The following CCNJL variants were observed in gnomAD, a reference collection of about 807,000 sequenced individuals.
CCNJL encodes the protein cyclin J like, also known as cyclin-J-like protein.
In CCNJL, 33 loss-of-function variants were observed where a neutral mutation model predicts 33.4. The ratio of observed to expected loss-of-function variants is 0.99; its 90% confidence interval spans 0.75 to 1.32. The LOEUF (loss-of-function observed/expected upper bound fraction) is 1.32. CCNJL is among the 40% of genes most tolerant of loss of function. The probability of loss-of-function intolerance (pLI) is 0.00; values close to 1 mark genes in which losing one functional copy is unlikely to be tolerated. For missense variants in CCNJL, 512 were observed against 499.7 expected (o/e 1.02, Z -0.23); for synonymous variants, 227 against 220.9 (o/e 1.03, Z -0.24).
chr5:160,270,839 C>G (rs980873860), intron 3 of CCNJL, among the ~76,000 whole-genome samples: 2 of 152,190 alleles, frequency 1.3e-5, no homozygotes, highest in Non-Finnish European at 2.9e-5. Context: ...GAAGCCAGAG[C>G]TAGCAGAATA....
At chr5:160,284,247 G>C (rs1361018709) in intron 2 of CCNJL, among the ~76,000 whole-genome samples, 3 of 152,078 alleles carry the variant, frequency 2.0e-5, no homozygotes, top group Admixed American at 6.6e-5. Context: ...AGTTACTTAG[G>C]AGGCTGAGGT....
intron 2 of CCNJL, among the ~76,000 whole-genome samples, chr5:160,308,535 A>G (rs1197823332): frequency 1.3e-5 from 2 of 152,232 alleles, no homozygotes; most frequent in Admixed American, 6.5e-5. Context: ...AGGCTGACGG[A>G]TAACGAGGTC....
At chr5:160,289,006 G>C (rs536603796) in intron 2 of CCNJL, among the ~76,000 whole-genome samples, 22 of 152,128 alleles carry the variant, frequency 1.4e-4, no homozygotes, top group Non-Finnish European at 2.9e-4. Flanking sequence ...GAGAGCATGG[G>C]AAACAATGTC....
upstream of CCNJL, among the ~76,000 whole-genome samples, chr5:160,314,279 G>C (rs1763351843): frequency 6.6e-6 from 1 of 152,218 alleles, no homozygotes. Context: ...AGAATGGATG[G>C]ATTAAGCATC....
intron 1 of CCNJL, among the ~76,000 whole-genome samples, chr5:160,320,104 C>A (rs970878923): frequency 4.6e-5 from 7 of 152,080 alleles, no homozygotes; most frequent in African/African-American, 1.4e-4. Flanking sequence ...GCTTTTTGGA[C>A]CTCCTTGTTC....
chr5:160,311,755 C>A, intron 2 of CCNJL, 103 bp downstream of exon 2: 1 of 1,094,712 alleles, frequency 9.1e-7, no homozygotes. Context: ...AAAAAGGCAC[C>A]CGGGAGTTCT....
At chr5:160,280,387 G>A (rs1391768996) in intron 3 of CCNJL, 138 bp downstream of exon 3, 2 of 697,376 alleles carry the variant, frequency 2.9e-6, no homozygotes, top group Non-Finnish European at 4.9e-6. Flanking sequence ...AAATGTTGAT[G>A]CTAAAAAACG....
chr5:160,293,036 C>T (rs977533232), intron 2 of CCNJL, among the ~76,000 whole-genome samples: 1 of 152,216 alleles, frequency 6.6e-6, no homozygotes, highest in African/African-American at 2.4e-5. Flanking sequence ...GGTCTTCTGA[C>T]TCTACTGTTT....
intron 1 of CCNJL, chr5:160,339,392 C>A: frequency 5.2e-6 from 2 of 386,624 alleles, no homozygotes; most frequent in Non-Finnish European, 1.0e-5. Context: ...CGCCAAAACC[C>A]CAAAACACAT....
intron 2 of CCNJL, among the ~76,000 whole-genome samples, chr5:160,293,564 G>A (rs1218593718): frequency 2.6e-5 from 4 of 152,126 alleles, no homozygotes; most frequent in East Asian, 1.9e-4. Flanking sequence ...TACACATGTC[G>A]GCATGCGCAT....
chr5:160,282,988 T>TATATATATATATATATATATAC (rs1246788183), intron 2 of CCNJL, among the ~76,000 whole-genome samples: 2 of 60,242 alleles, frequency 3.3e-5, no homozygotes, highest in Non-Finnish European at 6.1e-5. Context: ...TATATATATA[T>TATATATATATATATATATATAC]ATATATATAT....
intron 2 of CCNJL, among the ~76,000 whole-genome samples, chr5:160,304,347 G>A (rs1763024669): frequency 6.6e-6 from 1 of 152,142 alleles, no homozygotes; most frequent in Admixed American, 6.5e-5. Context: ...AACCTCATTT[G>A]CGGTTTTCAA....
intron 2 of CCNJL, among the ~76,000 whole-genome samples, chr5:160,291,419 G>T (rs1056249304): frequency 1.3e-5 from 2 of 152,062 alleles, no homozygotes; most frequent in African/African-American, 4.8e-5. Context: ...GCCCAGTAGA[G>T]GCCCTGAAAC....
rs143145893 is a variant in CCNJL, at chr5:160,300,293, T to C, written c.66+11565A>G. On this transcript the variant is annotated intron_variant, in intron 2 of 5. Transcript: ENST00000257536. ...GGGACTAAGAGGGAGCTGGAGGAGTTTTCCAGCCAGGTCACCTTAACAGCC... is the reference window on the plus strand; with the variant it reads ...GGGACTAAGAGGGAGCTGGAGGAGTCTTCCAGCCAGGTCACCTTAACAGCC... Among the ~76,000 whole-genome samples the C allele has an allele frequency of 2.9e-3, 443 of 152,030 alleles. 3 individuals are homozygous for C. The highest frequency in any genetic ancestry group is 0.01 in the African/African-American group (426 of 41,470).
At chr5:160,317,079 C>T (rs367994544), upstream of CCNJL, among the ~76,000 whole-genome samples, 5 of 152,156 alleles carry the variant, frequency 3.3e-5, no homozygotes, top group Admixed American at 2.6e-4. Flanking sequence ...TAGAGACAGA[C>T]GGAAGACATC....
intron 3 of CCNJL, among the ~76,000 whole-genome samples, chr5:160,279,407 T>G (rs1012463692): frequency 1.1e-4 from 16 of 152,248 alleles, no homozygotes; most frequent in African/African-American, 3.9e-4. Context: ...TATAGAAGTA[T>G]AGAGGCCTGG....
intron 2 of CCNJL, among the ~76,000 whole-genome samples, chr5:160,300,128 C>T (rs1762877530): frequency 6.6e-6 from 1 of 152,288 alleles, no homozygotes; most frequent in Admixed American, 6.5e-5. Flanking sequence ...GGCGGCATGG[C>T]ATGGGTATCC....
Position 160,250,454 on chromosome 5 carries a change from C to G in CCNJL, c.*2924G>C, listed in dbSNP as rs1436244282. 1 of 152,286 alleles carries G rather than the reference C, an allele frequency of 6.6e-6. No homozygotes were observed. The highest frequency in any genetic ancestry group is 2.4e-5 in the African/African-American group (1 of 41,458). The allele number at this position is 152,286 out of a possible 1,614,324, so 9.4% of individuals were successfully genotyped here. A position where few individuals can be genotyped will look rare whatever the true frequency, so the allele number is the denominator to read the frequency against. On this transcript the variant is annotated 3_prime_UTR_variant, in exon 6 of 6. Coordinates refer to ENST00000257536, the MANE Select transcript of CCNJL (RefSeq NM_001308173.3). ...CTGGGCTGCAGCCTCAGGCCCTGAG[C>G]TCATCTTCCCATTCCTCCCCTAATT...
intron 1 of CCNJL, among the ~76,000 whole-genome samples, chr5:160,331,902 T>A (rs1041577014): frequency 6.6e-6 from 1 of 152,202 alleles, no homozygotes; most frequent in Non-Finnish European, 1.5e-5. Flanking sequence ...TGGGAACTTG[T>A]TAGAAATGCA....
Sources: gnomAD v4.1 joint callset for allele counts (sites outside exome capture counted in the v4.1 genomes callset) on GRCh38, gnomAD v4.1.1 for gene constraint, MANE v1.5 for transcripts, NCBI Gene and HGNC (gene_info 2026-07-23, HGNC 2026-07-21) for gene names.